HERC4: variants seen among roughly 807,000 people sequenced by gnomAD.
HERC4 encodes probable E3 ubiquitin-protein ligase HERC4.
Under a neutral mutation model 124.3 loss-of-function variants are expected in HERC4, and 28 were observed. The ratio of observed to expected loss-of-function variants is 0.23; its 90% CI spans 0.17 to 0.31. HERC4 has a LOEUF of 0.31. HERC4 is among the 10% of genes least tolerant of loss of function. HERC4 has a pLI of 1.00. For missense variants in HERC4, 713 were observed against 1,229.3 expected, an observed-to-expected ratio of 0.58 and a Z score of 6.28; for synonymous variants, 407 against 421.5, an observed-to-expected ratio of 0.97 and a Z score of 0.42.
rs762116186 is a variant in HERC4 at position 68,034,117 on chromosome 10, T to C, written c.533A>G (p.Gln178Arg). The change falls in exon 6 of 25, where the codon CAA becomes CGA. Residue 178 changes from glutamine (Q) to arginine (R), a missense_variant. Coordinates refer to ENST00000373700, the MANE Select transcript of HERC4 (RefSeq NM_015601.4). ...AGACTTAAGCAGCTGCGGTGAAGTT[T>C]GCTTTTTACAGTCAGTACCTAAACC... ...QLGLGTDCKKQTSPQLLKSLL... is the reference protein window; with the variant it reads ...QLGLGTDCKKRTSPQLLKSLL... 6.2e-7 allele frequency: 1 copy of C among 1,614,136 alleles called. No individual in the cohort carries two copies. Among genetic ancestry groups the C allele is most frequent in the Non-Finnish European group, 8.5e-7 (1 of 1,180,028 alleles).
intron 8 of HERC4, among the ~76,000 whole-genome samples, chr10:68,021,127 C>T (rs904794579): frequency 3.9e-5 from 6 of 152,114 alleles, no homozygotes; most frequent in African/African-American, 1.4e-4. Context: ...ACTCAGAGAC[C>T]AGAGACACAC....
At chr10:67,940,248 A>AT (rs2032763612) in intron 20 of HERC4, among the ~76,000 whole-genome samples, 1 of 152,106 alleles carries the variant, frequency 6.6e-6, no homozygotes, top group African/African-American at 2.4e-5. Context: ...CTTATATAAA[A>AT]TTTTTAATGC....
chr10:67,983,085 A>T (rs1051263120), intron 15 of HERC4, among the ~76,000 whole-genome samples: 2 of 152,068 alleles, frequency 1.3e-5, no homozygotes, highest in East Asian at 3.9e-4. Flanking sequence ...CAAAAAAAAA[A>T]AAAAACAAAA....
At chr10:68,031,785 T>A (rs915451161) in intron 7 of HERC4, among the ~76,000 whole-genome samples, 1 of 152,148 alleles carries the variant, frequency 6.6e-6, no homozygotes, top group Non-Finnish European at 1.5e-5. Context: ...GAGGTCTCAC[T>A]CTTTGTCTCC....
At chr10:67,933,223 G>A (rs1401317478) in intron 22 of HERC4, among the ~76,000 whole-genome samples, 2 of 152,060 alleles carry the variant, frequency 1.3e-5, no homozygotes, top group Non-Finnish European at 2.9e-5. Flanking sequence ...TTTTCCTTGG[G>A]TTCCAAGGAA....
chr10:67,951,658 CAT>C (rs1473785005), intron 19 of HERC4, among the ~76,000 whole-genome samples: 6 of 152,202 alleles, frequency 3.9e-5, no homozygotes, highest in African/African-American at 7.2e-5. Context: ...TTCAATCCTT[CAT>C]ATGATTGCGT....
intron 9 of HERC4, among the ~76,000 whole-genome samples, chr10:68,003,769 A>T (rs556457545): frequency 6.6e-6 from 1 of 152,310 alleles, no homozygotes; most frequent in Admixed American, 6.5e-5. Flanking sequence ...GTTGATGAAC[A>T]CTTAAATTGA....
At chr10:67,963,499 C>T (rs998956721) in intron 16 of HERC4, among the ~76,000 whole-genome samples, 5 of 152,046 alleles carry the variant, frequency 3.3e-5, no homozygotes, top group Admixed American at 6.6e-5. Context: ...CGTGAGCCTC[C>T]GCACCTGGAC....
intron 17 of HERC4, chr10:67,956,617 G>T: frequency 4.1e-6 from 1 of 245,246 alleles, no homozygotes; most frequent in Non-Finnish European, 7.7e-6. Flanking sequence ...TATAAAGATT[G>T]AATATTTCTG....
chr10:68,016,543 G>A (rs1468293085), intron 8 of HERC4, among the ~76,000 whole-genome samples: 1 of 151,986 alleles, frequency 6.6e-6, no homozygotes, highest in Non-Finnish European at 1.5e-5. Context: ...AGTAGAGATG[G>A]GGTTTCACCA....
intron 3 of HERC4, among the ~76,000 whole-genome samples, chr10:68,061,532 CAA>C (rs59169970): frequency 3.3e-3 from 46 of 13,976 alleles, no homozygotes; most frequent in African/African-American, 0.011. Flanking sequence ...GACTCCGTCT[CAA>C]AAAAAAAAAA....
At chr10:68,006,182 T>A (rs2037535424) in intron 9 of HERC4, among the ~76,000 whole-genome samples, 1 of 152,218 alleles carries the variant, frequency 6.6e-6, no homozygotes, top group African/African-American at 2.4e-5. Flanking sequence ...CGTTTTAGTC[T>A]TCTTACTCAA....
At position 67,990,344 on chromosome 10, in the gene HERC4, A is replaced by G; in HGVS notation, c.1500T>C (p.Asp500=). ...LIPKLTSSLP[D]VEALRFYLTL... ...TAAGATAAAACCTCAATGCTTCAAC[A>G]TCAGGTAAGGAGCTAGTCAGTTTAG... The change falls in exon 14 of 25, where the codon GAT becomes GAC. Residue 500 remains aspartate, a synonymous_variant. Transcript: ENST00000373700. 6.2e-7 allele frequency: 1 copy of G among 1,612,374 alleles called. No individual in the cohort carries two copies. Among genetic ancestry groups the G allele is most frequent in the Non-Finnish European group, 8.5e-7 (1 of 1,179,060 alleles).
intron 16 of HERC4, chr10:67,966,289 G>C (rs1353394127): frequency 1.1e-5 from 2 of 186,770 alleles, no homozygotes; most frequent in Non-Finnish European, 2.2e-5. Context: ...TCTTTTGGTA[G>C]TCTTGAAGCA....
chr10:67,998,001 C>T lies in HERC4; in HGVS notation c.1070-5319G>A, dbSNP rs1315884581. 6.6e-5 allele frequency among the ~76,000 whole-genome samples: 10 copies of T among 152,020 alleles called. No individual in the cohort carries two copies. The East Asian group carries it at 1.2e-3, about 18-fold the overall frequency. Reference sequence around the variant, plus strand: ...ACTGCAACCGCCTCCCGGGTTCAAGCGATTCTCCTGCCTCAGCCTCTGGAG... The same window carrying T: ...ACTGCAACCGCCTCCCGGGTTCAAGTGATTCTCCTGCCTCAGCCTCTGGAG... On this transcript the variant is annotated intron_variant, in intron 9 of 24. Transcript: ENST00000373700.
chr10:67,953,255 A>T (rs553544328), intron 19 of HERC4, among the ~76,000 whole-genome samples: 2 of 152,250 alleles, frequency 1.3e-5, no homozygotes, highest in South Asian at 4.1e-4. Context: ...AGTTAGCTTA[A>T]ATGAGTATTC....
chr10:67,975,893 T>C (rs914229969), intron 15 of HERC4, among the ~76,000 whole-genome samples: 2 of 152,178 alleles, frequency 1.3e-5, no homozygotes, highest in Non-Finnish European at 1.5e-5. Flanking sequence ...ACCAGAGTTA[T>C]ACTGCTATTA....
chr10:67,992,710 G>A, intron 9 of HERC4, 28 bp from the exon 10 acceptor site: 1 of 1,169,486 alleles, frequency 8.6e-7, no homozygotes, highest in Non-Finnish European at 1.2e-6. Flanking sequence ...AAAATTAAAA[G>A]CCAAGATTTA....
intron 3 of HERC4, chr10:68,067,747 T>C (rs1589475125): frequency 6.6e-6 from 1 of 152,284 alleles, no homozygotes; most frequent in Middle Eastern, 3.4e-3. Context: ...CATTCGAGGA[T>C]ATGGAAAACA....
Sources: gnomAD v4.1 joint callset for allele counts (sites outside exome capture counted in the v4.1 genomes callset) on GRCh38, gnomAD v4.1.1 for gene constraint, MANE v1.5 for transcripts, NCBI Gene and HGNC (gene_info 2026-07-23, HGNC 2026-07-21) for gene names.